The following LNX2 variants were observed in gnomAD, a reference collection of about 807,000 sequenced individuals.
LNX2 encodes the protein ligand of Numb protein X 2.
Under a neutral mutation model 66.2 loss-of-function variants are expected in LNX2, and 35 were observed. The ratio of observed to expected loss-of-function variants is 0.53; its 90% CI spans 0.40 to 0.70. The LOEUF is 0.70. Ranked by LOEUF, LNX2 falls within the 30% of genes least tolerant of loss-of-function variation. The pLI is 0.00. For missense variants in LNX2, 791 were observed against 850.8 expected, an observed-to-expected ratio of 0.93 and a Z score of 0.87; for synonymous variants, 337 against 315.6, an observed-to-expected ratio of 1.07 and a Z score of -0.72.
intron 1 of LNX2, among the ~76,000 whole-genome samples, chr13:27,587,814 G>T (rs1283548054): frequency 6.6e-6 from 1 of 152,028 alleles, no homozygotes; most frequent in Non-Finnish European, 1.5e-5. Flanking sequence ...AAGGTCAGGA[G>T]ATCAAGACCA....
Position 27,569,310 on chromosome 13 carries a change from T to C in LNX2, c.408-34A>G, listed in dbSNP as rs756422401. The C allele has an allele frequency of 7.5e-6, 12 of 1,589,920 alleles. No individual in the cohort carries two copies. The East Asian group carries it at 2.7e-4, about 36-fold the overall frequency. ...AGAATATCAGATGGTTTCCAGATGA[T>C]TTTGAAAACAAACAAACAAATAAAA... On this transcript the variant is annotated intron_variant, in intron 2 of 9. Transcript: ENST00000316334.
rs576637385 is a variant in LNX2 at position 27,613,261 on chromosome 13, G to A, written c.-101+7114C>T. On this transcript the variant is annotated intron_variant, in intron 1 of 9. Transcript: ENST00000316334. ...TAGAGACGCTCTGCAAGGCCAAAAG[G>A]TGTCCCTGCAGCAGGGAGGGGAGGG... is the stretch of plus-strand genomic sequence containing the variant. Among the ~76,000 whole-genome samples, 19 of 152,236 alleles carry A rather than the reference G, an allele frequency of 1.2e-4. No individual in the cohort carries two copies. The South Asian group carries it at 3.9e-3, about 32-fold the overall frequency.
rs548139400 is a variant in LNX2, at chr13:27,591,834, G to C, written c.-100-10031C>G. On this transcript the variant is annotated intron_variant, in intron 1 of 9. Transcript: ENST00000316334. ...AGGCAGGGAAGTCACAGTACTGGGA[G>C]GACAGCTATTTTAAACAGCATGATC... Among the ~76,000 whole-genome samples, 8 of 152,288 alleles carry C rather than the reference G, an allele frequency of 5.3e-5. No individual in the cohort carries two copies. The East Asian group carries it at 1.3e-3, about 26-fold the overall frequency.
At position 27,546,866 on chromosome 13, in the gene LNX2, G is replaced by A. The variant is rs1954945892; in HGVS notation, c.*1469C>T. 1.3e-5 allele frequency: 2 copies of A among 152,038 alleles called. No homozygotes were observed. The highest frequency in any genetic ancestry group is 2.9e-5 in the Non-Finnish European group (2 of 67,970). The allele number at this position is 152,038 out of a possible 1,614,324, so 9.4% of individuals were successfully genotyped here. The stretch of plus-strand genomic sequence containing the variant: ...ACTTATTTATGTGTTCAGAGGATAA[G>A]TATGTTGAATAAAGGACAAAAAATG... On this transcript the variant is annotated 3_prime_UTR_variant, in exon 10 of 10. Coordinates refer to ENST00000316334, the MANE Select transcript of LNX2 (RefSeq NM_153371.4).
At chr13:27,617,460 A>G (rs887799363) in intron 1 of LNX2, among the ~76,000 whole-genome samples, 1 of 152,230 alleles carries the variant, frequency 6.6e-6, no homozygotes, top group Admixed American at 6.5e-5. Context: ...AATACAATTT[A>G]AAGATATCGG....
At position 27,546,246 on chromosome 13, in the gene LNX2, A is replaced by G. The variant is rs1422436762; in HGVS notation, c.*2089T>C. ...ACCAGGTTCAATGTAAGTATTTTGT[A>G]TATAACAAAGTAGCAGTCAGGATAT... On this transcript the variant is annotated 3_prime_UTR_variant, in exon 10 of 10. Coordinates refer to ENST00000316334, the MANE Select transcript of LNX2 (RefSeq NM_153371.4). 1 of 152,250 alleles carries G rather than the reference A, an allele frequency of 6.6e-6. No individual in the cohort carries two copies. Among genetic ancestry groups the G allele is most frequent in the African/African-American group, 2.4e-5 (1 of 41,476 alleles). The allele number at this position is 152,250 out of a possible 1,614,324, so 9.4% of individuals were successfully genotyped here.
At chr13:27,583,218 G>GTCCTCTCCAATATAACTT (rs1555268481) in intron 1 of LNX2, among the ~76,000 whole-genome samples, 194 of 18,462 alleles carry the variant, frequency 0.011, 28 homozygotes, top group African/African-American at 0.026. Context: ...GTGTGTGTGT[G>GTCCTCTCCAATATAACTT]TGTGTGTGTG....
chr13:27,607,728 T>C (rs1013618329), intron 1 of LNX2, among the ~76,000 whole-genome samples: 19 of 152,242 alleles, frequency 1.2e-4, no homozygotes, highest in African/African-American at 4.1e-4. Context: ...CTCTTAATTA[T>C]TTCCAGTTTT....
At chr13:27,586,413 C>CCCAG (rs1437932503) in intron 1 of LNX2, among the ~76,000 whole-genome samples, 15 of 152,194 alleles carry the variant, frequency 9.9e-5, no homozygotes, top group Non-Finnish European at 5.9e-5. Flanking sequence ...CCCCTCTTCT[C>CCCAG]CCAGCTCAGG....
At chr13:27,581,846 C>T (rs1242777841) in intron 1 of LNX2, 43 bp from the exon 2 acceptor site, 1 of 579,198 alleles carries the variant, frequency 1.7e-6, no homozygotes, top group Non-Finnish European at 2.9e-6. Flanking sequence ...TAATTAATAT[C>T]AATCAAGATA....
At chr13:27,619,959 A>T (rs2138505579) in intron 1 of LNX2, among the ~76,000 whole-genome samples, 1 of 152,290 alleles carries the variant, frequency 6.6e-6, no homozygotes, top group South Asian at 2.1e-4. Flanking sequence ...CGATAAAGGC[A>T]GCTAGTGCCA....
In LNX2 at chr13:27,604,740, T is replaced by A. The variant is rs1277143531; in HGVS notation, c.-101+15635A>T. Among the ~76,000 whole-genome samples the A allele has an allele frequency of 2.0e-5, 3 of 151,978 alleles. No homozygotes were observed. In the East Asian group the frequency reaches 5.8e-4, roughly 29 times the overall value. ...AAAAAGAAAGAAAGAAATCTATGGC[T>A]CAAAGGGTTGAAACAAAGATGTTTG... is the stretch of plus-strand genomic sequence containing the variant. On this transcript the variant is annotated intron_variant, in intron 1 of 9. Coordinates refer to ENST00000316334, the MANE Select transcript of LNX2 (RefSeq NM_153371.4).
intron 1 of LNX2, among the ~76,000 whole-genome samples, chr13:27,592,901 T>C (rs143844605): frequency 2.6e-5 from 4 of 152,354 alleles, no homozygotes; most frequent in African/African-American, 9.6e-5. Context: ...CATGAATTCA[T>C]TGGTGACCTT....
At chr13:27,581,908 T>C (rs1270285655) in intron 1 of LNX2, 105 bp from the exon 2 acceptor site, 4 of 402,784 alleles carry the variant, frequency 9.9e-6, no homozygotes, top group African/African-American at 4.1e-5. Flanking sequence ...AGTAAAAAAT[T>C]AAAGGTTGAA....
At chr13:27,557,311 G>A (rs1189923275) in intron 6 of LNX2, among the ~76,000 whole-genome samples, 1 of 152,018 alleles carries the variant, frequency 6.6e-6, no homozygotes, top group Non-Finnish European at 1.5e-5. Context: ...GGGAGGTCAT[G>A]TAACTTGTCC....
intron 2 of LNX2, among the ~76,000 whole-genome samples, chr13:27,571,883 T>C (rs1375992817): frequency 6.6e-6 from 1 of 152,146 alleles, no homozygotes; most frequent in Non-Finnish European, 1.5e-5. Flanking sequence ...ATTACTTACG[T>C]AACAACCTTT....
intron 1 of LNX2, among the ~76,000 whole-genome samples, chr13:27,594,117 G>T (rs1433310643): frequency 1.3e-5 from 2 of 151,966 alleles, no homozygotes; most frequent in Non-Finnish European, 2.9e-5. Flanking sequence ...TTTCAAAATT[G>T]TTCTAAGCCT....
intron 1 of LNX2, among the ~76,000 whole-genome samples, chr13:27,582,454 C>A (rs1955409759): frequency 6.6e-6 from 1 of 152,106 alleles, no homozygotes; most frequent in African/African-American, 2.4e-5. Context: ...TGTCACTGTT[C>A]AATGGTAGTT....
intron 4 of LNX2, among the ~76,000 whole-genome samples, chr13:27,563,323 A>G (rs578086806): frequency 6.6e-6 from 1 of 152,362 alleles, no homozygotes; most frequent in African/African-American, 2.4e-5. Flanking sequence ...ATACAAACTT[A>G]TTTTAGATAA....
Sources: allele counts gnomAD v4.1 joint callset (sites outside exome capture counted in the v4.1 genomes callset), GRCh38; gene constraint gnomAD v4.1.1; transcripts MANE v1.5; gene names NCBI Gene and HGNC (gene_info 2026-07-23, HGNC 2026-07-21).